CENPW: variants seen among roughly 807,000 people sequenced by gnomAD.
CENPW encodes cancer-up-regulated gene 2 protein.
Under a neutral mutation model 11.1 loss-of-function variants are expected in CENPW, and 3 were observed. That is an observed-to-expected ratio of 0.27 (90% CI 0.12 to 0.70). CENPW has a LOEUF of 0.70. CENPW is among the 30% of genes least tolerant of loss of function. The pLI is 0.77. For missense variants in CENPW, 100 were observed against 105.6 expected (o/e 0.95, Z 0.23); for synonymous variants, 38 against 42.0 (o/e 0.91, Z 0.37).
the CENPW span, among the ~76,000 whole-genome samples, chr6:126,430,863 T>G: frequency 6.6e-6 from 1 of 151,768 alleles, no homozygotes. Flanking sequence ...GAGGCTGCAG[T>G]GAGCCGAGAT....
the CENPW span, among the ~76,000 whole-genome samples, chr6:126,480,181 C>T: frequency 7.2e-5 from 11 of 151,790 alleles, no homozygotes; most frequent in South Asian, 2.1e-4. Flanking sequence ...TTTTTTTCTA[C>T]GCACACACAC....
the CENPW span, among the ~76,000 whole-genome samples, chr6:126,361,152 T>G: frequency 6.6e-6 from 1 of 152,234 alleles, no homozygotes; most frequent in Non-Finnish European, 1.5e-5. Flanking sequence ...GGATGAATTC[T>G]TATACTTGTT....
chr6:126,370,692 G>A, the CENPW span, among the ~76,000 whole-genome samples: 6 of 151,582 alleles, frequency 4.0e-5, no homozygotes, highest in Non-Finnish European at 8.8e-5. Flanking sequence ...CTAGGTATAC[G>A]ATCATATCAT....
the CENPW span, among the ~76,000 whole-genome samples, chr6:126,368,480 T>G: frequency 6.6e-6 from 1 of 151,848 alleles, no homozygotes; most frequent in Non-Finnish European, 1.5e-5. Flanking sequence ...TTTAATGTAT[T>G]GGATTGGAGT....
At chr6:126,414,808 A>T in the CENPW span, among the ~76,000 whole-genome samples, 4 of 151,860 alleles carry the variant, frequency 2.6e-5, no homozygotes, top group African/African-American at 9.7e-5. Flanking sequence ...CTAAAAAAAA[A>T]GATGAAGAAA....
At chr6:126,473,474 G>A in the CENPW span, among the ~76,000 whole-genome samples, 1 of 151,988 alleles carries the variant, frequency 6.6e-6, no homozygotes, top group African/African-American at 2.4e-5. Context: ...ACTCATTCCG[G>A]TAATCTCAGC....
the CENPW span, among the ~76,000 whole-genome samples, chr6:126,441,630 A>G: frequency 2.8e-4 from 42 of 151,432 alleles, no homozygotes; most frequent in African/African-American, 8.5e-4. Context: ...CCAAGTTCCT[A>G]AAGTCCCTTC....
the CENPW span, among the ~76,000 whole-genome samples, chr6:126,454,840 AAAAG>A: frequency 2.0e-5 from 3 of 151,016 alleles, no homozygotes; most frequent in African/African-American, 4.8e-5. Context: ...GACAAATAAA[AAAAG>A]AAAGAAGATC....
the CENPW span, among the ~76,000 whole-genome samples, chr6:126,457,777 G>A: frequency 6.6e-6 from 1 of 151,234 alleles, no homozygotes; most frequent in Non-Finnish European, 1.5e-5. Context: ...GAAGACTCAG[G>A]GCATTGGTAG....
chr6:126,460,266 A>G, the CENPW span, among the ~76,000 whole-genome samples: 1 of 151,698 alleles, frequency 6.6e-6, no homozygotes, highest in African/African-American at 2.4e-5. Flanking sequence ...CCCTTAATTT[A>G]AGATTTGTAA....
the CENPW span, among the ~76,000 whole-genome samples, chr6:126,414,958 A>G: frequency 2.6e-5 from 4 of 152,110 alleles, 1 homozygote; most frequent in Non-Finnish European, 1.5e-5. Flanking sequence ...AGCGATGGCT[A>G]TGAATAACCA....
the CENPW span, among the ~76,000 whole-genome samples, chr6:126,414,775 A>G: frequency 1.3e-5 from 2 of 151,878 alleles, no homozygotes; most frequent in East Asian, 1.9e-4. Context: ...AATATTAAAA[A>G]TAAGAACATA....
At chr6:126,380,897 AC>A in the CENPW span, among the ~76,000 whole-genome samples, 1 of 152,198 alleles carries the variant, frequency 6.6e-6, no homozygotes. Context: ...TGTTGATCGA[AC>A]TTTAGCCAGG....
chr6:126,468,996 T>C, the CENPW span, among the ~76,000 whole-genome samples: 1 of 151,988 alleles, frequency 6.6e-6, no homozygotes, highest in South Asian at 2.1e-4. Context: ...AGAGACAAGG[T>C]TTCACCAGGC....
chr6:126,443,257 T>A, the CENPW span, among the ~76,000 whole-genome samples: 2 of 151,310 alleles, frequency 1.3e-5, no homozygotes, highest in Non-Finnish European at 3.0e-5. Context: ...TCTGTAAGCC[T>A]TCTTCACCCC....
At chr6:126,466,920 A>G in the CENPW span, among the ~76,000 whole-genome samples, 16 of 152,140 alleles carry the variant, frequency 1.1e-4, no homozygotes, top group Admixed American at 1.0e-3. Context: ...ACCTAGGAAT[A>G]GGGGAAAAAC....
At chr6:126,418,719 A>G in the CENPW span, among the ~76,000 whole-genome samples, 3 of 151,862 alleles carry the variant, frequency 2.0e-5, no homozygotes, top group Middle Eastern at 6.8e-3. Flanking sequence ...AATCATATCA[A>G]CTCTGGGGTT....
chr6:126,469,581 G>T, the CENPW span, among the ~76,000 whole-genome samples: 23 of 152,300 alleles, frequency 1.5e-4, no homozygotes, highest in African/African-American at 4.3e-4. Context: ...CAGAGAGTTG[G>T]AACAGTTAGG....
chr6:126,364,678 T>C, the CENPW span, among the ~76,000 whole-genome samples: 1 of 152,182 alleles, frequency 6.6e-6, no homozygotes, highest in Admixed American at 6.5e-5. Context: ...GAGAAACAAC[T>C]CTGTTGTGAA....
Sources: gnomAD v4.1 joint callset for allele counts (sites outside exome capture counted in the v4.1 genomes callset) on GRCh38, gnomAD v4.1.1 for gene constraint, MANE v1.5 for transcripts, NCBI Gene and HGNC (gene_info 2026-07-23, HGNC 2026-07-21) for gene names.